DOCK9: variants seen among roughly 807,000 people sequenced by gnomAD.
DOCK9 encodes dedicator of cytokinesis protein 9.
Under a neutral mutation model 263.3 loss-of-function variants are expected in DOCK9, and 89 were observed. The ratio of observed to expected loss-of-function variants is 0.34; its 90% confidence interval spans 0.28 to 0.40. The LOEUF (loss-of-function observed/expected upper bound fraction) is 0.40. Ranked by LOEUF, DOCK9 falls within the 10% of genes least tolerant of loss-of-function variation. DOCK9 has a pLI of 1.00. For missense variants in DOCK9, 2,140 were observed against 2,603.4 expected (o/e 0.82, Z 3.87); for synonymous variants, 976 against 973.1 (o/e 1.00, Z -0.06).
chr13:98,860,204 C>A, intron 33 of DOCK9: 1 of 1,421,888 alleles, frequency 7.0e-7, no homozygotes, highest in East Asian at 2.5e-5. Flanking sequence ...CCTGAGGAGT[C>A]ACAGGCATCC....
intron 3 of DOCK9, among the ~76,000 whole-genome samples, chr13:98,926,787 G>T (rs1451198808): frequency 6.6e-6 from 1 of 152,118 alleles, no homozygotes; most frequent in Non-Finnish European, 1.5e-5. Flanking sequence ...AGTGTGGGTG[G>T]AAAAAAAGCA....
intron 1 of DOCK9, among the ~76,000 whole-genome samples, chr13:99,039,061 A>G (rs559777909): frequency 1.3e-5 from 2 of 152,336 alleles, no homozygotes; most frequent in South Asian, 4.1e-4. Context: ...ACTCTGTGCT[A>G]TTGCATTTAC....
intron 32 of DOCK9, among the ~76,000 whole-genome samples, chr13:98,862,573 C>T (rs1306696398): frequency 2.0e-5 from 3 of 152,168 alleles, no homozygotes; most frequent in Admixed American, 2.0e-4. Flanking sequence ...CCTGTAGTCC[C>T]AGCTAGTTGG....
chr13:98,954,873 C>CAG (rs1393338363), intron 2 of DOCK9, among the ~76,000 whole-genome samples: 2 of 151,608 alleles, frequency 1.3e-5, no homozygotes, highest in African/African-American at 4.9e-5. Context: ...TACACACACA[C>CAG]ACACACACAC....
intron 2 of DOCK9, among the ~76,000 whole-genome samples, chr13:98,933,739 T>C (rs1200297393): frequency 6.6e-6 from 1 of 152,236 alleles, no homozygotes; most frequent in African/African-American, 2.4e-5. Context: ...CTGCTATCCT[T>C]CCTCGTCTAT....
upstream of DOCK9, among the ~76,000 whole-genome samples, chr13:98,978,753 C>G (rs1330499389): frequency 6.6e-6 from 1 of 152,092 alleles, no homozygotes; most frequent in East Asian, 1.9e-4. Flanking sequence ...AACTTCACAT[C>G]TAGCTGGGAA....
At chr13:99,048,760 T>G (rs1015076247) in intron 1 of DOCK9, among the ~76,000 whole-genome samples, 6 of 152,266 alleles carry the variant, frequency 3.9e-5, no homozygotes, top group Admixed American at 6.5e-5. Context: ...TCTTTGTAAC[T>G]GTAAGCACTA....
At chr13:98,995,231 C>T (rs1472379097) in intron 1 of DOCK9, among the ~76,000 whole-genome samples, 6 of 152,134 alleles carry the variant, frequency 3.9e-5, no homozygotes, top group Non-Finnish European at 8.8e-5. Flanking sequence ...AAAGCTAATG[C>T]TGGGGTGTCG....
At chr13:99,033,177 A>T (rs900513374) in intron 1 of DOCK9, among the ~76,000 whole-genome samples, 1 of 152,262 alleles carries the variant, frequency 6.6e-6, no homozygotes, top group Non-Finnish European at 1.5e-5. Context: ...TTTTGATAAC[A>T]TGTCTAATTT....
In DOCK9 at chr13:98,881,441, A is replaced by G. The variant is rs1380814033; in HGVS notation, c.2745+117T>C. The stretch of plus-strand genomic sequence containing the variant: ...AAGCATTGGCTATGAGAAATAGAAG[A>G]GAAAGCATACGTTACAAGCACATCC... On this transcript the variant is annotated intron_variant, in intron 25 of 52. Coordinates refer to ENST00000682017, the MANE Select transcript of DOCK9 (RefSeq NM_001366683.2). 6.4e-6 allele frequency: 5 copies of G among 777,870 alleles called. No individual in the cohort carries two copies. The East Asian group carries it at 1.1e-4, about 17-fold the overall frequency. The allele number at this position is 777,870 out of a possible 1,614,324, so 48.2% of individuals were successfully genotyped here.
intron 45 of DOCK9, among the ~76,000 whole-genome samples, chr13:98,822,668 AAAAC>A (rs71114552): frequency 3.3e-4 from 50 of 151,280 alleles, no homozygotes; most frequent in Non-Finnish European, 4.3e-4. Context: ...AGTAAAAAGT[AAAAC>A]AAACAAACAA....
Position 98,810,220 on chromosome 13 carries a change from G to A in DOCK9, c.5202C>T (p.Ala1734=), listed in dbSNP as rs1184632198. 7.4e-6 allele frequency: 12 copies of A among 1,613,736 alleles called. No homozygotes were observed. The highest frequency in any genetic ancestry group is 3.3e-5 in the South Asian group (3 of 91,072). Residue 1734 remains alanine, a synonymous_variant, in exon 46 of 53, where the codon GCC becomes GCT. Transcript: ENST00000682017. The part of the protein sequence containing the change: ...LWKAERYELI[A]DIYKLIIPIY... ...TGGGGATGATAAGTTTGTAGATGTC[G>A]GCGATGAGCTCGTAGCGCTCGGCTT... is the stretch of plus-strand genomic sequence containing the variant.
intron 39 of DOCK9, among the ~76,000 whole-genome samples, chr13:98,837,134 T>G (rs1372404193): frequency 6.6e-6 from 1 of 152,234 alleles, no homozygotes; most frequent in Non-Finnish European, 1.5e-5. Flanking sequence ...AAAAATCTAA[T>G]TAAACGCTAT....
chr13:98,936,498 G>A (rs971640960), intron 2 of DOCK9, among the ~76,000 whole-genome samples: 2 of 151,746 alleles, frequency 1.3e-5, no homozygotes, highest in African/African-American at 2.4e-5. Context: ...CATGCGCCTC[G>A]AGTCCAAGCT....
At chr13:98,930,949 G>A (rs2094602) in intron 2 of DOCK9, among the ~76,000 whole-genome samples, 96,406 of 152,072 alleles carry the variant, frequency 0.63, 31,246 homozygotes, top group Middle Eastern at 0.77. Flanking sequence ...CAGCCATTTT[G>A]AACATTTTTA....
At chr13:98,848,775 G>A in intron 36 of DOCK9, 136 bp from the exon 37 acceptor site, 1 of 975,122 alleles carries the variant, frequency 1.0e-6, no homozygotes, top group Admixed American at 2.4e-5. Flanking sequence ...CATTCATTCA[G>A]AATGGTTTTT....
chr13:98,828,851 A>C (rs945423590), intron 43 of DOCK9, among the ~76,000 whole-genome samples: 1 of 152,220 alleles, frequency 6.6e-6, no homozygotes, highest in Non-Finnish European at 1.5e-5. Context: ...CCAGCCATGC[A>C]GTCTACATAT....
chr13:98,844,105 T>C (rs1342985562), intron 38 of DOCK9, among the ~76,000 whole-genome samples: 1 of 152,198 alleles, frequency 6.6e-6, no homozygotes, highest in Non-Finnish European at 1.5e-5. Flanking sequence ...TGCTGCTAAA[T>C]GGCAAAGAAA....
At chr13:98,962,954 T>C (rs2058812052) in intron 1 of DOCK9, among the ~76,000 whole-genome samples, 1 of 146,546 alleles carries the variant, frequency 6.8e-6, no homozygotes, top group African/African-American at 2.4e-5. Flanking sequence ...GGGTCTTGGA[T>C]TGTGAAGAAG....
Sources: gnomAD v4.1 joint callset for allele counts (sites outside exome capture counted in the v4.1 genomes callset) on GRCh38, gnomAD v4.1.1 for gene constraint, MANE v1.5 for transcripts, NCBI Gene and HGNC (gene_info 2026-07-23, HGNC 2026-07-21) for gene names.